HEATR1: variants seen among roughly 807,000 people sequenced by gnomAD.
HEATR1 encodes HEAT repeat containing 1.
In HEATR1, 77 loss-of-function variants were observed where a neutral mutation model predicts 248.2. The observed-to-expected ratio is 0.31, with a 90% CI of 0.26 to 0.37. The LOEUF (loss-of-function observed/expected upper bound fraction) is 0.37, where lower values mean the gene tolerates loss of function less well. HEATR1 is among the 10% of genes least tolerant of loss of function. HEATR1 has a pLI of 1.00. For missense variants in HEATR1, 2,420 were observed against 2,504.9 expected, an observed-to-expected ratio of 0.97 and a Z score of 0.72; for synonymous variants, 897 against 923.1, an observed-to-expected ratio of 0.97 and a Z score of 0.51.
intron 12 of HEATR1, among the ~76,000 whole-genome samples, chr1:236,588,932 A>G (rs1466243712): frequency 2.0e-5 from 3 of 152,204 alleles, no homozygotes; most frequent in Non-Finnish European, 2.9e-5. Flanking sequence ...ATAACATAGC[A>G]AGACCCCATC....
Position 236,552,056 on chromosome 1 carries a change from C to G in HEATR1, c.6289G>C (p.Glu2097Gln). 6.2e-7 allele frequency: 1 copy of G among 1,613,762 alleles called. No individual in the cohort carries two copies. The highest frequency in any genetic ancestry group is 8.5e-7 in the Non-Finnish European group (1 of 1,179,868). Residue 2097 changes from glutamate to glutamine, a missense_variant, in exon 44 of 45, where the codon GAG (glutamate) becomes CAG (glutamine). By Grantham distance (29) the Glu-to-Gln change is conservative. Transcript: ENST00000366582. ...TVLALAEKLKENYIVLLPESI... is the reference protein window; with the variant it reads ...TVLALAEKLKQNYIVLLPESI... ...TCTGGTAGCAAGACAATATAATTCT[C>G]CTTTAGTTTTTCAGCCAGTGCTAAC...
rs958528195 is a variant in HEATR1 at position 236,549,297 on chromosome 1, A to G, written c.*1605T>C. ...GTTCCATTTCTGTGATTTTTCTATT[A>G]TTTGAGGGGAGTTGGCAGAAGTTCC... is the stretch of plus-strand genomic sequence containing the variant. On this transcript the variant is annotated 3_prime_UTR_variant, in exon 45 of 45. Coordinates refer to ENST00000366582, the MANE Select transcript of HEATR1 (RefSeq NM_018072.6). 20 of 244,334 alleles carry G rather than the reference A, an allele frequency of 8.2e-5. No homozygotes were observed. In the East Asian group the frequency reaches 1.5e-3, roughly 18 times the overall value. 15.1% of individuals were successfully genotyped at this position (244,334 alleles called of 1,614,324 possible).
intron 22 of HEATR1, among the ~76,000 whole-genome samples, chr1:236,575,149 G>T (rs1452858438): frequency 1.3e-5 from 2 of 152,200 alleles, no homozygotes; most frequent in African/African-American, 4.8e-5. Flanking sequence ...AAGATAATCT[G>T]TGAGCATTCC....
At chr1:236,576,737 C>T in intron 21 of HEATR1, 43 bp downstream of exon 21, 3 of 1,553,022 alleles carry the variant, frequency 1.9e-6, no homozygotes, top group South Asian at 1.2e-5. Flanking sequence ...CTCCAGTACA[C>T]AGAGGCATGA....
At chr1:236,602,317 G>A (rs1435483150) in intron 3 of HEATR1, among the ~76,000 whole-genome samples, 1 of 152,162 alleles carries the variant, frequency 6.6e-6, no homozygotes, top group Admixed American at 6.5e-5. Flanking sequence ...CTAGCTGTGT[G>A]ACTCAAGAAA....
chr1:236,585,911 G>A lies in HEATR1; in HGVS notation c.1958C>T (p.Pro653Leu), dbSNP rs1350872342. Residue 653 changes from proline (P) to leucine (L), a missense_variant, in exon 16 of 45, where the codon CCA becomes CTA. Transcript: ENST00000366582. ...ALENVIKSTK[P>L]GKLIGVANQK... ...ATTTGCTACACCGATTAGTTTTCCT[G>A]GCTTTGTGCTTTTAATTACATTTTC... The A allele has an allele frequency of 6.2e-7, 1 of 1,613,186 alleles. No individual in the cohort carries two copies. Among genetic ancestry groups the A allele is most frequent in the Non-Finnish European group, 8.5e-7 (1 of 1,179,576 alleles).
intron 4 of HEATR1, 61 bp downstream of exon 4, chr1:236,599,422 A>T: frequency 7.0e-7 from 1 of 1,430,080 alleles, no homozygotes; most frequent in Non-Finnish European, 9.4e-7. Flanking sequence ...ATTTTTTCCT[A>T]ATTAAATCCC....
chr1:236,564,452 A>T, intron 32 of HEATR1, 46 bp downstream of exon 32: 1 of 1,561,222 alleles, frequency 6.4e-7, no homozygotes, highest in East Asian at 2.2e-5. Flanking sequence ...AGTTCCTTGG[A>T]GACAGCAGAA....
chr1:236,603,583 C>T (rs1039526926), intron 2 of HEATR1, among the ~76,000 whole-genome samples: 3 of 141,304 alleles, frequency 2.1e-5, no homozygotes, highest in Admixed American at 8.0e-5. Flanking sequence ...TACTTCGTGG[C>T]AGGGAACACT....
intron 10 of HEATR1, 21 bp from the exon 11 acceptor site, chr1:236,592,131 G>T: frequency 8.5e-7 from 1 of 1,169,934 alleles, no homozygotes; most frequent in Non-Finnish European, 1.3e-6. Flanking sequence ...ATTAAAAAGT[G>T]AATTCATTAT....
rs752909135 is a variant in HEATR1, at chr1:236,550,892, A to G, written c.*10T>C. 9 of 1,586,670 alleles carry G rather than the reference A, an allele frequency of 5.7e-6. No homozygotes were observed. The highest frequency in any genetic ancestry group is 2.3e-5 in the South Asian group (2 of 86,254). ...AACTCTGAGTAGAGTATGAAACACCACAGAAAGTCTTAGAAATAGCTCTGG... is the reference window on the plus strand; with the variant it reads ...AACTCTGAGTAGAGTATGAAACACCGCAGAAAGTCTTAGAAATAGCTCTGG... On this transcript the variant is annotated 3_prime_UTR_variant, in exon 45 of 45. Transcript: ENST00000366582.
chr1:236,595,474 G>T, intron 8 of HEATR1, 66 bp downstream of exon 8: 1 of 1,304,798 alleles, frequency 7.7e-7, no homozygotes, highest in Non-Finnish European at 1.1e-6. Context: ...TGTTAACCAG[G>T]ATATGGTTAC....
intron 3 of HEATR1, among the ~76,000 whole-genome samples, chr1:236,599,952 G>A (rs1388642505): frequency 6.6e-6 from 1 of 151,860 alleles, no homozygotes; most frequent in Non-Finnish European, 1.5e-5. Flanking sequence ...GAGTGCAGTG[G>A]CACGATCACG....
chr1:236,559,105 T>C lies in HEATR1; in HGVS notation c.4801A>G (p.Ile1601Val). 1.2e-6 allele frequency: 2 copies of C among 1,608,608 alleles called. No homozygotes were observed. Among genetic ancestry groups the C allele is most frequent in the South Asian group, 2.2e-5 (2 of 90,216 alleles). Residue 1601 changes from isoleucine to valine, a missense_variant, in exon 35 of 45, where the codon ATT (isoleucine) becomes GTT (valine). By Grantham distance (29) the Ile-to-Val change is conservative. Coordinates refer to ENST00000366582, the MANE Select transcript of HEATR1 (RefSeq NM_018072.6). The stretch of plus-strand genomic sequence containing the variant: ...CCCACCAGCCCTCTGATCACAGGAA[T>C]GAATGTCTCTGTGGGCAGCAAGGCA... ...VNALLPTETF[I>V]PVIRGLVGNP... is the part of the protein sequence containing the mutation.
At chr1:236,561,603 C>T (rs914016682) in intron 32 of HEATR1, among the ~76,000 whole-genome samples, 2 of 152,188 alleles carry the variant, frequency 1.3e-5, no homozygotes, top group African/African-American at 4.8e-5. Flanking sequence ...TTAAACATTA[C>T]AGATTCAGCT....
intron 30 of HEATR1, among the ~76,000 whole-genome samples, chr1:236,566,285 G>A (rs1231826288): frequency 6.6e-6 from 1 of 152,106 alleles, no homozygotes; most frequent in Non-Finnish European, 1.5e-5. Context: ...TCAGGGACAC[G>A]GACGCTCCTC....
At chr1:236,602,564 T>C (rs1664355050) in intron 3 of HEATR1, among the ~76,000 whole-genome samples, 1 of 152,206 alleles carries the variant, frequency 6.6e-6, no homozygotes, top group Non-Finnish European at 1.5e-5. Flanking sequence ...AGAAAGCAGC[T>C]TAGTACTCAC....
chr1:236,603,765 C>T (rs997084825), intron 2 of HEATR1, among the ~76,000 whole-genome samples, 189 bp downstream of exon 2: 4 of 151,852 alleles, frequency 2.6e-5, no homozygotes, highest in African/African-American at 9.7e-5. Context: ...GATACCTCTA[C>T]TCATAAACAT....
chr1:236,597,454 T>C (rs911531383), intron 5 of HEATR1, among the ~76,000 whole-genome samples: 1 of 152,202 alleles, frequency 6.6e-6, no homozygotes, highest in Non-Finnish European at 1.5e-5. Flanking sequence ...TGTTTCACCA[T>C]GTTGGCCAGG....
Sources: allele counts gnomAD v4.1 joint callset (sites outside exome capture counted in the v4.1 genomes callset), GRCh38; gene constraint gnomAD v4.1.1; transcripts MANE v1.5; gene names NCBI Gene and HGNC (gene_info 2026-07-23, HGNC 2026-07-21).